SNX8: variants seen among roughly 807,000 people sequenced by gnomAD.
The protein encoded by SNX8 is sorting nexin-8.
SNX8 carries 25 observed loss-of-function variants against 51.6 expected under a neutral mutation model. That is an observed-to-expected ratio of 0.48 (90% CI 0.35 to 0.68). SNX8 has a LOEUF of 0.68. SNX8 is among the 30% of genes least tolerant of loss of function. The pLI, the probability that SNX8 is intolerant of heterozygous loss-of-function variation, is 0.00. For missense variants in SNX8, 695 were observed against 624.0 expected (o/e 1.11, Z -1.21); for synonymous variants, 324 against 277.0 (o/e 1.17, Z -1.68).
chr7:2,258,148 CT>C (rs1331844784), intron 7 of SNX8, among the ~76,000 whole-genome samples: 2 of 152,046 alleles, frequency 1.3e-5, no homozygotes, highest in African/African-American at 4.8e-5. Flanking sequence ...GTAGCTGGGA[CT>C]ACAGGCGCCC....
At chr7:2,331,566 G>A (rs927249831) in intron 1 of SNX8, among the ~76,000 whole-genome samples, 9 of 151,902 alleles carry the variant, frequency 5.9e-5, no homozygotes, top group Middle Eastern at 3.4e-3. Context: ...TTAGCCGGGC[G>A]TGGTGGCAGG....
At chr7:2,297,998 T>G (rs1465042304) in intron 1 of SNX8, among the ~76,000 whole-genome samples, 3 of 151,892 alleles carry the variant, frequency 2.0e-5, no homozygotes, top group African/African-American at 7.3e-5. Context: ...TTCATCTACA[T>G]AACCAAAAAC....
chr7:2,344,160 C>T (rs562968209), intron 1 of SNX8, among the ~76,000 whole-genome samples: 12 of 151,648 alleles, frequency 7.9e-5, no homozygotes, highest in African/African-American at 2.7e-4. Context: ...GCCATGATCA[C>T]GTAATTGAGC....
In SNX8 at chr7:2,304,919, G is replaced by A. The variant is rs192875218; in HGVS notation, c.94+9409C>T. On this transcript the variant is annotated intron_variant, in intron 1 of 10. Coordinates refer to ENST00000222990, the MANE Select transcript of SNX8 (RefSeq NM_013321.4). ...AGCTGGGAGGTGAAATTTCGGTCCT[G>A]AAGATAATGAACTGTGCCCAGTAAT... Among the ~76,000 whole-genome samples, 5 of 152,306 alleles carry A rather than the reference G, an allele frequency of 3.3e-5. No homozygotes were observed. In the East Asian group the frequency reaches 9.6e-4, roughly 29 times the overall value.
rs578221027 is a variant in SNX8, at chr7:2,308,856, C to T, written c.94+5472G>A. On this transcript the variant is annotated intron_variant, in intron 1 of 10. Transcript: ENST00000222990. ...TGCAGCGCGGCACCATCTCGGCTCA[C>T]TACAACCTCTACAACCTCTGCCTCC... Among the ~76,000 whole-genome samples, 9 of 149,322 alleles carry T rather than the reference C, an allele frequency of 6.0e-5. No homozygotes were observed. The South Asian group carries it at 1.9e-3, about 32-fold the overall frequency.
intron 3 of SNX8, among the ~76,000 whole-genome samples, chr7:2,273,221 G>A (rs945361868): frequency 6.6e-6 from 1 of 151,744 alleles, no homozygotes; most frequent in Non-Finnish European, 1.5e-5. Context: ...GGCTGAGGAG[G>A]GCAGATCACT....
At chr7:2,326,527 G>A (rs185224111) in intron 1 of SNX8, among the ~76,000 whole-genome samples, 7 of 151,508 alleles carry the variant, frequency 4.6e-5, no homozygotes, top group African/African-American at 1.2e-4. Flanking sequence ...TTAGCCGGGC[G>A]TGGTGGCGGG....
chr7:2,280,080 A>G lies in SNX8; in HGVS notation c.95-1775T>C, dbSNP rs181856821. Among the ~76,000 whole-genome samples, 3 of 152,302 alleles carry G rather than the reference A, an allele frequency of 2.0e-5. No homozygotes were observed. The East Asian group carries it at 5.8e-4, about 29-fold the overall frequency. On this transcript the variant is annotated intron_variant, in intron 1 of 10. Transcript: ENST00000222990. ...AGAGAAGAAGGGAGGAAAGAAAGAG[A>G]AAAAACTCCAGGCCTGCTTATAGCT...
At chr7:2,344,566 C>T (rs1235422648) in intron 1 of SNX8, among the ~76,000 whole-genome samples, 13 of 147,982 alleles carry the variant, frequency 8.8e-5, no homozygotes, top group African/African-American at 3.3e-4. Context: ...GGGCCGAGAT[C>T]GCGCCACTGC....
rs370999013 is a variant in SNX8, at chr7:2,275,100, G to A, written c.418+12C>T. On this transcript the variant is annotated intron_variant, in intron 3 of 10. Transcript: ENST00000222990. ...TCCCTCCGCCCCCGGTGGGCAGCAC[G>A]CCTGGCTTTACCTCCCAGCATTCTC... 3.7e-5 allele frequency: 59 copies of A among 1,583,484 alleles called. No individual in the cohort carries two copies. In the Middle Eastern group the frequency reaches 5.0e-4, roughly 13 times the overall value.
chr7:2,286,094 C>T (rs1796022198), intron 1 of SNX8, among the ~76,000 whole-genome samples: 1 of 151,888 alleles, frequency 6.6e-6, no homozygotes, highest in African/African-American at 2.4e-5. Context: ...TCACTGCAAC[C>T]TCCAAGTCCC....
At chr7:2,303,970 TAAA>T (rs1195573700) in intron 1 of SNX8, among the ~76,000 whole-genome samples, 5 of 141,162 alleles carry the variant, frequency 3.5e-5, no homozygotes, top group Admixed American at 7.1e-5. Flanking sequence ...TAATAATAAA[TAAA>T]AAATAAAAAA....
chr7:2,321,851 G>A (rs1252362647), intron 1 of SNX8, among the ~76,000 whole-genome samples: 2 of 151,078 alleles, frequency 1.3e-5, no homozygotes, highest in Admixed American at 1.3e-4. Flanking sequence ...AGCCTCCCGA[G>A]TAGCTGGGAT....
intron 1 of SNX8, among the ~76,000 whole-genome samples, chr7:2,292,611 C>T (rs1248221732): frequency 1.3e-5 from 2 of 152,040 alleles, no homozygotes; most frequent in Non-Finnish European, 2.9e-5. Context: ...CGTGGTTTCA[C>T]CATGTTGGCC....
intron 1 of SNX8, among the ~76,000 whole-genome samples, chr7:2,311,596 C>T (rs1796658137): frequency 6.6e-6 from 1 of 152,124 alleles, no homozygotes; most frequent in African/African-American, 2.4e-5. Flanking sequence ...TGACATTGCC[C>T]ACTTTGGGCA....
rs1453314099 is a variant in SNX8, at chr7:2,255,166, T to A, written c.1288A>T (p.Ser430Cys). The A allele has an allele frequency of 6.5e-7, 1 of 1,538,716 alleles. No homozygotes were observed. The highest frequency in any genetic ancestry group is 2.0e-5 in the Admixed American group (1 of 50,852). The change falls in exon 11 of 11, where the codon AGC (serine) becomes TGC (cysteine). Residue 430 changes from serine (S) to cysteine (C), a missense_variant. By Grantham distance (112) the Ser-to-Cys change is moderately radical. Transcript: ENST00000222990. ...GGCCTCAGGTCGTTCCACACCTTGCTCATCTGAAAGGGAAGCGAAGAGAAC... is the reference window on the plus strand; with the variant it reads ...GGCCTCAGGTCGTTCCACACCTTGCACATCTGAAAGGGAAGCGAAGAGAAC... ...NSQIQGHKEM[S>C]KVWNDLRPKL...
At chr7:2,327,914 G>A (rs1778655821) in intron 1 of SNX8, among the ~76,000 whole-genome samples, 1 of 152,186 alleles carries the variant, frequency 6.6e-6, no homozygotes, top group South Asian at 2.1e-4. Context: ...CCAGGCTGGA[G>A]TGCAGCGGCA....
At chr7:2,353,067 G>A (rs1779191404) in intron 1 of SNX8, among the ~76,000 whole-genome samples, 1 of 152,172 alleles carries the variant, frequency 6.6e-6, no homozygotes, top group Non-Finnish European at 1.5e-5. Context: ...GCTGAGGGAG[G>A]AAGACTGCTT....
intron 1 of SNX8, among the ~76,000 whole-genome samples, chr7:2,290,275 C>T (rs570125997): frequency 4.6e-5 from 7 of 152,070 alleles, no homozygotes; most frequent in South Asian, 2.1e-4. Context: ...CCAAGATGGG[C>T]GGATCACTGG....
Sources: allele counts gnomAD v4.1 joint callset (sites outside exome capture counted in the v4.1 genomes callset), GRCh38; gene constraint gnomAD v4.1.1; transcripts MANE v1.5; gene names NCBI Gene and HGNC (gene_info 2026-07-23, HGNC 2026-07-21).